The following DCHS2 variants were observed in gnomAD, a reference collection of about 807,000 sequenced individuals.
The protein encoded by DCHS2 is protocadherin-23.
Under a neutral mutation model 182.4 loss-of-function variants are expected in DCHS2, and 142 were observed. The observed-to-expected ratio is 0.78, with a 90% CI of 0.68 to 0.89. DCHS2 has a LOEUF of 0.89. Among genes scored for constraint, DCHS2 ranks in the 40% least tolerant of loss-of-function variants. DCHS2 has a pLI of 0.00. For synonymous variants in DCHS2, 1,740 were observed against 1,663.3 expected (o/e 1.05, Z -1.12); for missense variants, 4,319 against 4,198.6 (o/e 1.03, Z -0.79).
chr4:154,401,375 G>A (rs1732173465), intron 1 of DCHS2, among the ~76,000 whole-genome samples: 4 of 152,000 alleles, frequency 2.6e-5, no homozygotes, highest in Admixed American at 2.6e-4. Context: ...CATTTTGGGG[G>A]GGTAAAAATC....
chr4:154,392,738 T>C (rs1213458803), intron 1 of DCHS2, among the ~76,000 whole-genome samples: 1 of 152,222 alleles, frequency 6.6e-6, no homozygotes, highest in Admixed American at 6.5e-5. Flanking sequence ...CAGAACTGTA[T>C]ATTTATTGTA....
At position 154,235,651 on chromosome 4, in the gene DCHS2, A is replaced by G. The variant is rs1187233262; in HGVS notation, c.9001T>C (p.Ser3001Pro). Residue 3001 changes from serine to proline, a missense_variant, in exon 20 of 20, where the codon TCC becomes CCC. Physicochemically the swap from Ser to Pro is moderately conservative, Grantham distance 74. Coordinates refer to ENST00000357232, the MANE Select transcript of DCHS2 (RefSeq NM_001358235.2). Reference protein sequence around the residue: ...ASSFSISLVVSFLVFLILICI... With the variant: ...ASSFSISLVVPFLVFLILICI... Reference sequence around the variant, plus strand: ...ATGAGTATCAGAAACACTAAAAAGGAGACCACCAGGCTGATTGAAAAGCTG... The same window carrying G: ...ATGAGTATCAGAAACACTAAAAAGGGGACCACCAGGCTGATTGAAAAGCTG... 1 of 1,613,924 alleles carries G rather than the reference A, an allele frequency of 6.2e-7. No individual in the cohort carries two copies. The highest frequency in any genetic ancestry group is 2.2e-5 in the East Asian group (1 of 44,816).
At position 154,325,624 on chromosome 4, in the gene DCHS2, C is replaced by T. The variant is rs115186779; in HGVS notation, c.4018+2469G>A. Among the ~76,000 whole-genome samples, 356 of 151,952 alleles carry T rather than the reference C, an allele frequency of 2.3e-3. 2 individuals are homozygous for T. Among genetic ancestry groups the T allele is most frequent in the African/African-American group, 7.9e-3 (328 of 41,450 alleles). ...AAGAGGGGGAGAATGGGGAAAGAGT[C>T]TCTGAAGGAGGGGACAGCAGGAACA... is the stretch of plus-strand genomic sequence containing the variant. On this transcript the variant is annotated intron_variant, in intron 7 of 19. Transcript: ENST00000357232.
intron 14 of DCHS2, chr4:154,261,971 A>G (rs1025799096): frequency 1.3e-5 from 2 of 152,096 alleles, no homozygotes; most frequent in Admixed American, 6.6e-5. Context: ...CCGAAATGTC[A>G]CCAGAGCCCG....
At chr4:154,342,170 A>G (rs1729140817) in intron 3 of DCHS2, among the ~76,000 whole-genome samples, 1 of 151,916 alleles carries the variant, frequency 6.6e-6, no homozygotes, top group South Asian at 2.1e-4. Context: ...CAGTAAGTCT[A>G]AAGAAAACAA....
intron 1 of DCHS2, 69 bp downstream of exon 1, chr4:154,489,235 A>C: frequency 7.8e-7 from 1 of 1,282,470 alleles, no homozygotes; most frequent in East Asian, 2.6e-5. Context: ...ACAATTTCCT[A>C]GGCCAACTCA....
chr4:154,243,221 C>G (rs978534516), intron 16 of DCHS2, among the ~76,000 whole-genome samples: 1 of 152,116 alleles, frequency 6.6e-6, no homozygotes, highest in Non-Finnish European at 1.5e-5. Context: ...TTGCTTTGTA[C>G]TGATATTTTT....
At chr4:154,371,361 T>C (rs1045532045) in intron 2 of DCHS2, among the ~76,000 whole-genome samples, 9 of 152,100 alleles carry the variant, frequency 5.9e-5, no homozygotes, top group Admixed American at 4.6e-4. Context: ...TTGTGATTGG[T>C]GGACTATGGG....
At chr4:154,311,490 C>T (rs1257353946) in intron 10 of DCHS2, among the ~76,000 whole-genome samples, 1 of 152,106 alleles carries the variant, frequency 6.6e-6, no homozygotes, top group Non-Finnish European at 1.5e-5. Flanking sequence ...CCACCTCGGC[C>T]TTCCAAAGCA....
At position 154,236,255 on chromosome 4, in the gene DCHS2, A is replaced by T. The variant is rs1478241480; in HGVS notation, c.8397T>A (p.Gly2799=). 2 of 1,613,960 alleles carry T rather than the reference A, an allele frequency of 1.2e-6. No homozygotes were observed. Among genetic ancestry groups the T allele is most frequent in the Non-Finnish European group, 1.7e-6 (2 of 1,179,980 alleles). The part of the protein sequence containing the change: ...CSINALDFDA[G]PYGELTYSIV... ...TAGAATAGGTCAATTCTCCATACGG[A>T]CCAGCATCAAAATCCAGAGCATTTA... The change falls in exon 20 of 20, where the codon GGT becomes GGA. Residue 2799 remains glycine (G), a synonymous_variant. Coordinates refer to ENST00000357232, the MANE Select transcript of DCHS2 (RefSeq NM_001358235.2).
Position 154,236,455 on chromosome 4 carries a change from T to A in DCHS2, c.8197A>T (p.Met2733Leu), listed in dbSNP as rs1238271348. 6.2e-7 allele frequency: 1 copy of A among 1,614,010 alleles called. No homozygotes were observed. Among genetic ancestry groups the A allele is most frequent in the Admixed American group, 1.7e-5 (1 of 60,006 alleles). The change falls in exon 20 of 20, where the codon ATG becomes TTG. Residue 2733 changes from methionine (M) to leucine (L), a missense_variant. By Grantham distance (15) the Met-to-Leu change is conservative (BLOSUM62 2). Coordinates refer to ENST00000357232, the MANE Select transcript of DCHS2 (RefSeq NM_001358235.2). Reference protein sequence around the residue: ...YLIKPLDYEKMTKFTLTVQAS... With the variant: ...YLIKPLDYEKLTKFTLTVQAS... Reference sequence around the variant, plus strand: ...TGGACAGTTAAGGTGAATTTTGTCATTTTTTCATAATCCAGAGGTTTAATC... The same window carrying A: ...TGGACAGTTAAGGTGAATTTTGTCAATTTTTCATAATCCAGAGGTTTAATC...
Position 154,234,523 on chromosome 4 carries a change from C to T in DCHS2, c.*13G>A. ...TGACCAATGGTGAGCAGGTACTTGG[C>T]ATCCCAGTGGTTTCATATTTGAACT... On this transcript the variant is annotated 3_prime_UTR_variant, in exon 20 of 20. Coordinates refer to ENST00000357232, the MANE Select transcript of DCHS2 (RefSeq NM_001358235.2). 1 of 1,588,726 alleles carries T rather than the reference C, an allele frequency of 6.3e-7. No homozygotes were observed. Among genetic ancestry groups the T allele is most frequent in the Non-Finnish European group, 8.6e-7 (1 of 1,165,968 alleles).
At position 154,298,670 on chromosome 4, in the gene DCHS2, ACATCT is replaced by A; in HGVS notation, c.5639_5643del (p.Glu1880ValfsTer26). ...GCACGAGTGGTTGAGAGTTCTCCTGACATCTCATTTATAGTAAAGCACTCATCAGT... is the reference window on the plus strand; with the variant it reads ...GCACGAGTGGTTGAGAGTTCTCCTGACATTTATAGTAAAGCACTCATCAGT... On this transcript the variant is annotated frameshift_variant, in exon 13 of 20. Transcript: ENST00000357232. LOFTEE classifies it high-confidence loss of function. The A allele has an allele frequency of 3.7e-6, 6 of 1,609,042 alleles. No homozygotes were observed. The highest frequency in any genetic ancestry group is 5.1e-6 in the Non-Finnish European group (6 of 1,178,230).
At chr4:154,422,235 C>T (rs4235245) in intron 1 of DCHS2, among the ~76,000 whole-genome samples, 119,433 of 152,080 alleles carry the variant, frequency 0.79, 51,335 homozygotes, top group Non-Finnish European at 0.95. Context: ...CAAGCCCATA[C>T]GATGCCAGCT....
intron 14 of DCHS2, among the ~76,000 whole-genome samples, chr4:154,264,793 A>T (rs367594566): frequency 5.3e-5 from 8 of 152,300 alleles, no homozygotes; most frequent in African/African-American, 1.9e-4. Context: ...GAAAAAAATA[A>T]TACTAGAAGA....
rs1730778400 is a variant in DCHS2, at chr4:154,374,083, T to A, written c.2244+3170A>T. On this transcript the variant is annotated intron_variant, in intron 2 of 19. Transcript: ENST00000357232. ...ACCAGAAAAGACACCTGGATTAAAG[T>A]CAAAATTCCCAATGCACTTCTGGAG... 6.4e-6 allele frequency: 5 copies of A among 785,564 alleles called. No homozygotes were observed. The South Asian group carries it at 9.4e-5, about 15-fold the overall frequency. The allele number at this position is 785,564 out of a possible 1,614,324, so 48.7% of individuals were successfully genotyped here.
intron 15 of DCHS2, among the ~76,000 whole-genome samples, chr4:154,256,076 T>C (rs1230137624): frequency 6.6e-6 from 1 of 152,218 alleles, no homozygotes; most frequent in Admixed American, 6.5e-5. Flanking sequence ...TCATTTGCTC[T>C]GTTTTTCTGC....
chr4:154,443,593 G>A (rs1355300996), intron 1 of DCHS2, among the ~76,000 whole-genome samples: 3 of 152,126 alleles, frequency 2.0e-5, no homozygotes, highest in Non-Finnish European at 4.4e-5. Context: ...CCATAGAAAT[G>A]GATTAATTGT....
Position 154,366,923 on chromosome 4 carries a change from T to A in DCHS2, c.2245-482A>T, listed in dbSNP as rs557098228. The stretch of plus-strand genomic sequence containing the variant: ...ATGCTGGTAAGTGCTAAGAAGAAGG[T>A]GTGAGGGAGCATGGGCAGGGGGGTG... On this transcript the variant is annotated intron_variant, in intron 2 of 19. Coordinates refer to ENST00000357232, the MANE Select transcript of DCHS2 (RefSeq NM_001358235.2). 2.6e-5 allele frequency among the ~76,000 whole-genome samples: 4 copies of A among 152,264 alleles called. No homozygotes were observed. In the South Asian group the frequency reaches 8.3e-4, roughly 32 times the overall value.
Sources: allele counts gnomAD v4.1 joint callset (sites outside exome capture counted in the v4.1 genomes callset), GRCh38; gene constraint gnomAD v4.1.1; transcripts MANE v1.5; gene names NCBI Gene and HGNC (gene_info 2026-07-23, HGNC 2026-07-21).